CDH2: variants seen among roughly 807,000 people sequenced by gnomAD.
CDH2 encodes the protein cadherin 2.
CDH2 carries 17 observed loss-of-function variants against 92.0 expected under a neutral mutation model. The observed-to-expected ratio is 0.18, with a 90% CI of 0.13 to 0.28. The LOEUF (loss-of-function observed/expected upper bound fraction) is 0.28, where lower values mean the gene tolerates loss of function less well. Among genes scored for constraint, CDH2 ranks in the 10% least tolerant of loss-of-function variants. CDH2 has a pLI of 1.00. For missense variants in CDH2, 862 were observed against 1,133.1 expected (o/e 0.76, Z 3.44); for synonymous variants, 419 against 415.9 (o/e 1.01, Z -0.09).
chr18:27,973,075 G>A (rs1056262101), intron 14 of CDH2, among the ~76,000 whole-genome samples: 2 of 152,114 alleles, frequency 1.3e-5, no homozygotes, highest in Admixed American at 6.5e-5. Flanking sequence ...CTTGAAGTTC[G>A]CAATCCTAAA....
rs200109784 is a variant in CDH2, at chr18:28,096,407, CTT to C, written c.172+51264_172+51265del. ...TTTATGGCTGCCAAGGAGGCAAGTT[CTT>C]TTTTTTTTTTTTTAACATAACACAC... On this transcript the variant is annotated intron_variant, in intron 2 of 15. Transcript: ENST00000269141. Among the ~76,000 whole-genome samples the C allele has an allele frequency of 5.0e-4, 69 of 138,022 alleles. 1 individual carries two copies. The highest frequency in any genetic ancestry group is 4.4e-4 in the Non-Finnish European group (28 of 63,416). 90.5% of individuals were successfully genotyped at this position (138,022 alleles called of 152,430 possible).
At chr18:28,082,572 AT>A (rs1032040846) in intron 2 of CDH2, among the ~76,000 whole-genome samples, 6 of 152,016 alleles carry the variant, frequency 3.9e-5, no homozygotes, top group African/African-American at 9.7e-5. Context: ...ATTAATTTAC[AT>A]TTTTTTCCTA....
intron 1 of CDH2, among the ~76,000 whole-genome samples, chr18:28,154,336 C>T (rs183898141): frequency 9.5e-4 from 145 of 152,354 alleles, no homozygotes; most frequent in African/African-American, 3.1e-3. Context: ...CAAGCCCTCT[C>T]GGCCCACCAG....
chr18:27,994,232 C>T lies in CDH2; in HGVS notation c.1021-595G>A, dbSNP rs557561483. 8.9e-4 allele frequency among the ~76,000 whole-genome samples: 135 copies of T among 152,208 alleles called. 2 individuals are homozygous for T. In the South Asian group the frequency reaches 0.025, roughly 28 times the overall value. The stretch of plus-strand genomic sequence containing the variant: ...ACAAAGTCAAAACTTGAAGGGTTTC[C>T]GTTTATTTCCATAGTCTTCTAACAG... On this transcript the variant is annotated intron_variant, in intron 7 of 15. Transcript: ENST00000269141.
At chr18:28,053,527 A>G (rs1421863806) in intron 2 of CDH2, among the ~76,000 whole-genome samples, 1 of 152,092 alleles carries the variant, frequency 6.6e-6, no homozygotes, top group African/African-American at 2.4e-5. Context: ...TCATGTAACA[A>G]CTCGCTGAGT....
At chr18:28,096,945 T>C (rs1329334691) in intron 2 of CDH2, 2 of 152,210 alleles carry the variant, frequency 1.3e-5, no homozygotes, top group African/African-American at 4.8e-5. Flanking sequence ...AATATGCAAA[T>C]TTTTAGCAGT....
intron 2 of CDH2, among the ~76,000 whole-genome samples, chr18:28,083,846 T>C (rs921254964): frequency 3.9e-5 from 6 of 152,334 alleles, no homozygotes; most frequent in African/African-American, 1.2e-4. Context: ...ATCCAGTATT[T>C]TGAGAAAACA....
intron 2 of CDH2, among the ~76,000 whole-genome samples, chr18:28,071,022 C>T (rs1021068779): frequency 2.6e-5 from 4 of 151,982 alleles, no homozygotes; most frequent in Admixed American, 1.3e-4. Context: ...TCGGTTCTGC[C>T]TGCATGGATC....
chr18:28,104,138 ATT>A (rs1337965207), intron 2 of CDH2, among the ~76,000 whole-genome samples: 1 of 152,128 alleles, frequency 6.6e-6, no homozygotes, highest in East Asian at 1.9e-4. Flanking sequence ...TGTGTTATTG[ATT>A]TTTGTTACTA....
chr18:28,063,353 A>T (rs1412254491), intron 2 of CDH2, among the ~76,000 whole-genome samples: 2 of 152,220 alleles, frequency 1.3e-5, no homozygotes, highest in African/African-American at 4.8e-5. Context: ...ACAATGCAGG[A>T]AGTAGATTAA....
intron 2 of CDH2, among the ~76,000 whole-genome samples, chr18:28,078,623 A>G (rs1247380877): frequency 6.6e-6 from 1 of 151,698 alleles, no homozygotes; most frequent in African/African-American, 2.4e-5. Flanking sequence ...CAGCTATACT[A>G]AATTCTCCCT....
At chr18:28,096,766 T>C (rs1456398140) in intron 2 of CDH2, among the ~76,000 whole-genome samples, 1 of 152,212 alleles carries the variant, frequency 6.6e-6, no homozygotes, top group Admixed American at 6.5e-5. Context: ...AAAAATTTGT[T>C]ATGAGGATAT....
At chr18:28,160,596 C>T (rs780467342) in intron 1 of CDH2, among the ~76,000 whole-genome samples, 4 of 152,142 alleles carry the variant, frequency 2.6e-5, no homozygotes, top group Non-Finnish European at 4.4e-5. Context: ...GAAATCTTCC[C>T]TTGAGGCAGC....
intron 2 of CDH2, chr18:28,146,385 A>G (rs533494295): frequency 2.1e-4 from 32 of 152,060 alleles, no homozygotes; most frequent in Non-Finnish European, 4.3e-4. Flanking sequence ...AAGAACTCCA[A>G]AAGTCATATT....
intron 2 of CDH2, among the ~76,000 whole-genome samples, chr18:28,132,648 T>A: frequency 6.6e-6 from 1 of 152,216 alleles, no homozygotes; most frequent in Non-Finnish European, 1.5e-5. Flanking sequence ...ACTTAGCCCC[T>A]CCTAAAGCTA....
chr18:28,103,335 TTATATATA>T (rs71378968), intron 2 of CDH2, among the ~76,000 whole-genome samples: 5 of 137,692 alleles, frequency 3.6e-5, no homozygotes, highest in African/African-American at 5.2e-5. Flanking sequence ...AAAAACTCCT[TTATATATA>T]TAAAGTATAT....
chr18:27,963,295 A>G lies in CDH2; in HGVS notation c.2514+62T>C, dbSNP rs897498166. On this transcript the variant is annotated intron_variant, in intron 15 of 15. Transcript: ENST00000269141. ...GTATTCCAAGCAATTTGTGGCCTAC[A>G]GAGATCTAACCATTAGCATGAAATG... is the stretch of plus-strand genomic sequence containing the variant. The G allele has an allele frequency of 1.0e-5, 15 of 1,501,552 alleles. No individual in the cohort carries two copies. The African/African-American group carries it at 2.1e-4, about 21-fold the overall frequency. The allele number at this position is 1,501,552 out of a possible 1,614,324, so 93.0% of individuals were successfully genotyped here. A position where few individuals can be genotyped will look rare whatever the true frequency, so the allele number is the denominator to read the frequency against.
chr18:27,991,764 T>G (rs940384158), intron 9 of CDH2, among the ~76,000 whole-genome samples: 2 of 152,222 alleles, frequency 1.3e-5, no homozygotes, highest in Non-Finnish European at 2.9e-5. Context: ...TCCATTCCCA[T>G]TCTATTCTAC....
rs1411692307 is a variant in CDH2, at chr18:28,060,040, G to GT, written c.173-46132dup. 3.1e-3 allele frequency among the ~76,000 whole-genome samples: 453 copies of GT among 146,952 alleles called. 1 individual carries two copies. Among genetic ancestry groups the GT allele is most frequent in the Middle Eastern group, 0.022 (6 of 278 alleles). ...CATCTAGAAGTTTGATCAGACCCTGGTTTTTTTTTTGGCAAACAAGTTCCT... is the reference window on the plus strand; with the variant it reads ...CATCTAGAAGTTTGATCAGACCCTGGTTTTTTTTTTTGGCAAACAAGTTCCT... On this transcript the variant is annotated intron_variant, in intron 2 of 15. Transcript: ENST00000269141.
Sources: gnomAD v4.1 joint callset for allele counts (sites outside exome capture counted in the v4.1 genomes callset) on GRCh38, gnomAD v4.1.1 for gene constraint, MANE v1.5 for transcripts, NCBI Gene and HGNC (gene_info 2026-07-23, HGNC 2026-07-21) for gene names.